The following NDUFS2 variants were observed in gnomAD, a reference collection of about 807,000 sequenced individuals.
NDUFS2 encodes the protein NADH:ubiquinone oxidoreductase core subunit S2.
A neutral mutation model predicts 69.6 loss-of-function variants in NDUFS2; 38 were observed. The observed-to-expected ratio is 0.55, with a 90% CI of 0.42 to 0.72. The LOEUF is 0.72. Ranked by LOEUF, NDUFS2 falls within the 30% of genes least tolerant of loss-of-function variation. The probability of loss-of-function intolerance (pLI) is 0.00; values close to 1 mark genes in which losing one functional copy is unlikely to be tolerated. For missense variants in NDUFS2, 468 were observed against 595.0 expected, an observed-to-expected ratio of 0.79 and a Z score of 2.22; for synonymous variants, 194 against 211.2, an observed-to-expected ratio of 0.92 and a Z score of 0.70.
At chr1:161,201,665 T>A (rs1665127549), upstream of NDUFS2, among the ~76,000 whole-genome samples, 1 of 152,110 alleles carries the variant, frequency 6.6e-6, no homozygotes, top group African/African-American at 2.4e-5. Flanking sequence ...CCTGGGTCTG[T>A]GATTCTGTAG....
rs1665879776 is a variant in NDUFS2, at chr1:161,213,421, T to C, written c.1158T>C (p.Thr386=). 6.2e-7 allele frequency: 1 copy of C among 1,611,192 alleles called. No individual in the cohort carries two copies. The highest frequency in any genetic ancestry group is 1.3e-5 in the African/African-American group (1 of 74,898). Residue 386 remains threonine (T), a synonymous_variant, in exon 11 of 14, where the codon ACT becomes ACC. Transcript: ENST00000676972. ...ESLIHHFKLY[T]EGYQVPPGAT... ...TGATTCATCACTTTAAGTTGTATACTGAGGGCTACCAAGTTCCTCCAGGAG... is the reference window on the plus strand; with the variant it reads ...TGATTCATCACTTTAAGTTGTATACCGAGGGCTACCAAGTTCCTCCAGGAG...
In NDUFS2 at chr1:161,203,333, A is replaced by G. The variant is rs1034558889; in HGVS notation, c.96-104A>G. The G allele has an allele frequency of 1.1e-4, 111 of 989,100 alleles. 1 individual carries two copies. In the African/African-American group the frequency reaches 1.4e-3, roughly 12 times the overall value. 61.3% of individuals were successfully genotyped at this position (989,100 alleles called of 1,614,324 possible). On this transcript the variant is annotated intron_variant, in intron 1 of 13. Transcript: ENST00000676972. The stretch of plus-strand genomic sequence containing the variant: ...AAAAAAACAAAAAACAAAACAAAAC[A>G]AAAAAACAGGTCATCCTTCCTGGGT...
intron 2 of NDUFS2, among the ~76,000 whole-genome samples, chr1:161,206,122 T>C (rs978030392): frequency 6.6e-6 from 1 of 152,070 alleles, no homozygotes; most frequent in African/African-American, 2.4e-5. Flanking sequence ...ATAAGTGTTA[T>C]GTATTATTAA....
chr1:161,209,955 A>T, intron 6 of NDUFS2, 24 bp downstream of exon 6: 1 of 1,613,556 alleles, frequency 6.2e-7, no homozygotes, highest in Non-Finnish European at 8.5e-7. Context: ...CGGCTTCCCC[A>T]AATGTCCAGC....
chr1:161,198,779 A>G, upstream of NDUFS2: 1 of 687,942 alleles, frequency 1.5e-6, no homozygotes, highest in Admixed American at 3.1e-5. This position sits in a 1 kb window ranked among gnomAD's most constrained non-coding sequence, Gnocchi z 4.7. Flanking sequence ...GGACCGTTAA[A>G]GGAAATGGAG....
At chr1:161,214,103 C>T (rs972076811) in intron 13 of NDUFS2, 53 bp from the exon 14 acceptor site, 7 of 1,613,826 alleles carry the variant, frequency 4.3e-6, no homozygotes, top group Non-Finnish European at 5.1e-6. Context: ...TTTGTTTTGC[C>T]TCACAACAGG....
chr1:161,206,915 G>T (rs757824938), intron 3 of NDUFS2, among the ~76,000 whole-genome samples: 1 of 152,180 alleles, frequency 6.6e-6, no homozygotes, highest in African/African-American at 2.4e-5. Flanking sequence ...GTCAAAGCCA[G>T]TGTCCCTAGG....
chr1:161,206,271 A>T, intron 2 of NDUFS2, 136 bp from the exon 3 acceptor site: 1 of 879,232 alleles, frequency 1.1e-6, no homozygotes, highest in South Asian at 1.4e-5. Flanking sequence ...CTTCCTGGTT[A>T]TAGTGGAGAT....
chr1:161,202,274 C>A (rs971038836), upstream of NDUFS2: 2 of 1,071,778 alleles, frequency 1.9e-6, no homozygotes, highest in African/African-American at 1.6e-5. Context: ...AACGACCCTG[C>A]CAGCTTCCAA....
intron 11 of NDUFS2, 49 bp downstream of exon 11, chr1:161,213,524 A>AAGAT (rs1558087209): frequency 1.9e-6 from 3 of 1,553,334 alleles, no homozygotes; most frequent in Non-Finnish European, 1.8e-6. Flanking sequence ...TAGGTAGCTA[A>AAGAT]AGATAGATGT....
chr1:161,213,782 T>C (rs762858560), intron 12 of NDUFS2, 50 bp downstream of exon 12: 1 of 1,610,634 alleles, frequency 6.2e-7, no homozygotes, highest in Non-Finnish European at 8.5e-7. Flanking sequence ...AACCTGACCT[T>C]GGTTGAGGTT....
chr1:161,199,269 C>T (rs1023378466), upstream of NDUFS2: 1 of 152,362 alleles, frequency 6.6e-6, no homozygotes, highest in African/African-American at 2.4e-5. Flanking sequence ...TTCCCAAACC[C>T]CACAATCAGC....
At chr1:161,213,559 G>C (rs1238729549) in intron 11 of NDUFS2, 84 bp downstream of exon 11, 2 of 1,540,180 alleles carry the variant, frequency 1.3e-6, no homozygotes, top group East Asian at 4.5e-5. Flanking sequence ...ATTCATCAAT[G>C]AGAGAGAAAA....
chr1:161,204,207 C>T (rs1410401397), intron 2 of NDUFS2, among the ~76,000 whole-genome samples: 1 of 152,190 alleles, frequency 6.6e-6, no homozygotes, highest in Non-Finnish European at 1.5e-5. Flanking sequence ...CCAAATGAAA[C>T]CTACATGAAT....
At chr1:161,206,352 T>C in intron 2 of NDUFS2, 55 bp from the exon 3 acceptor site, 1 of 1,586,174 alleles carries the variant, frequency 6.3e-7, no homozygotes, top group Non-Finnish European at 8.7e-7. Context: ...TTGCTATCTT[T>C]TGGGGGATCC....
At chr1:161,207,492 G>A (rs537834725) in intron 3 of NDUFS2, among the ~76,000 whole-genome samples, 10 of 152,032 alleles carry the variant, frequency 6.6e-5, no homozygotes, top group Non-Finnish European at 1.5e-4. Context: ...CCGGGCTCAC[G>A]CCTGTAATCC....
chr1:161,205,982 T>G (rs554886507), intron 2 of NDUFS2, among the ~76,000 whole-genome samples: 1 of 152,276 alleles, frequency 6.6e-6, no homozygotes, highest in South Asian at 2.1e-4. Flanking sequence ...GGAAAAGTCA[T>G]TTAAGCTCCA....
At chr1:161,202,535 T>C (rs1168099204) in intron 1 of NDUFS2, 55 bp downstream of exon 1, 8 of 1,514,210 alleles carry the variant, frequency 5.3e-6, no homozygotes, top group South Asian at 3.5e-5. Context: ...GTTTCTCAGG[T>C]TGGGGACGCT....
intron 10 of NDUFS2, chr1:161,213,036 C>T (rs1665859786): frequency 2.9e-6 from 1 of 341,874 alleles, no homozygotes; most frequent in East Asian, 7.5e-5. Flanking sequence ...TCCCGAGTAG[C>T]TGGGATTACA....
Sources: gnomAD v4.1 joint callset for allele counts (sites outside exome capture counted in the v4.1 genomes callset) on GRCh38, gnomAD v4.1.1 for gene constraint, Gnocchi (gnomAD v3.1) non-coding constraint, MANE v1.5 for transcripts, NCBI Gene and HGNC (gene_info 2026-07-23, HGNC 2026-07-21) for gene names.